Variants in SPRR2B observed in about 807,000 individuals in gnomAD.
SPRR2B encodes small proline-rich protein 2B.
SPRR2B carries 1 observed loss-of-function variant against 1.0 expected under a neutral mutation model. The ratio of observed to expected loss-of-function variants is 1.01; its 90% CI spans 0.36 to 4.77. The LOEUF (loss-of-function observed/expected upper bound fraction) is 4.77. Ranked by LOEUF, SPRR2B falls within the 30% of genes most tolerant of loss-of-function variation. The pLI is 0.16. For synonymous variants in SPRR2B, 27 were observed against 33.4 expected (o/e 0.81, Z 0.66); for missense variants, 53 against 88.7 (o/e 0.60, Z 1.62).
At chr1:153,076,692 A>G in the SPRR2B span, among the ~76,000 whole-genome samples, 1 of 152,230 alleles carries the variant, frequency 6.6e-6, no homozygotes. Context: ...GCTACAGCAC[A>G]TTCAAAAATT....
upstream of SPRR2B, among the ~76,000 whole-genome samples, chr1:153,073,036 C>T (rs1422649558): frequency 1.3e-5 from 2 of 152,178 alleles, no homozygotes; most frequent in Admixed American, 1.3e-4. Flanking sequence ...TTGGAGCACT[C>T]ACCAGCTACG....
upstream of SPRR2B, among the ~76,000 whole-genome samples, chr1:153,072,445 G>C (rs1654686656): frequency 6.6e-6 from 1 of 152,104 alleles, no homozygotes; most frequent in Non-Finnish European, 1.5e-5. Flanking sequence ...TCTATGTATT[G>C]AACCATGCCT....
At chr1:153,075,567 C>T (rs1287562316), upstream of SPRR2B, among the ~76,000 whole-genome samples, 1 of 151,904 alleles carries the variant, frequency 6.6e-6, no homozygotes, top group African/African-American at 2.4e-5. Context: ...ATAATAGTAC[C>T]TACTACTAAA....
the SPRR2B span, among the ~76,000 whole-genome samples, chr1:153,083,491 A>G: frequency 1.3e-5 from 2 of 152,168 alleles, no homozygotes; most frequent in Non-Finnish European, 2.9e-5. Context: ...GGATGCAGCC[A>G]GGTGGAACAG....
At chr1:153,072,294 G>A (rs1426405018), upstream of SPRR2B, among the ~76,000 whole-genome samples, 30 of 152,208 alleles carry the variant, frequency 2.0e-4, no homozygotes. Flanking sequence ...ACACCAGAGT[G>A]AGATCCAGTC....
the SPRR2B span, among the ~76,000 whole-genome samples, chr1:153,086,742 C>A: frequency 6.6e-6 from 1 of 152,220 alleles, no homozygotes; most frequent in Non-Finnish European, 1.5e-5. Flanking sequence ...TGCTAATAAT[C>A]TACAACTGTT....
At chr1:153,076,421 C>T (rs1429735362), upstream of SPRR2B, among the ~76,000 whole-genome samples, 2 of 152,110 alleles carry the variant, frequency 1.3e-5, no homozygotes, top group African/African-American at 2.4e-5. Flanking sequence ...GATACTTCTA[C>T]TTGTAAGAAT....
At chr1:153,082,849 G>C in the SPRR2B span, among the ~76,000 whole-genome samples, 1 of 152,004 alleles carries the variant, frequency 6.6e-6, no homozygotes, top group East Asian at 1.9e-4. Context: ...GAAAACATGA[G>C]CCTAGCATAG....
At chr1:153,082,125 A>C in the SPRR2B span, among the ~76,000 whole-genome samples, 30 of 152,304 alleles carry the variant, frequency 2.0e-4, no homozygotes, top group Admixed American at 5.9e-4. Flanking sequence ...AGGATACTAT[A>C]CATAATCCCC....
upstream of SPRR2B, among the ~76,000 whole-genome samples, chr1:153,075,924 G>A (rs1284818784): frequency 6.6e-6 from 1 of 152,090 alleles, no homozygotes; most frequent in Non-Finnish European, 1.5e-5. Flanking sequence ...TAATGTTTCT[G>A]TGTTATTTGG....
At chr1:153,077,649 C>A in the SPRR2B span, among the ~76,000 whole-genome samples, 1 of 150,572 alleles carries the variant, frequency 6.6e-6, no homozygotes. Flanking sequence ...CACAGTCTCA[C>A]TGCATCACCC....
At chr1:153,073,679 T>G (rs932073849), upstream of SPRR2B, among the ~76,000 whole-genome samples, 2 of 147,200 alleles carry the variant, frequency 1.4e-5, no homozygotes, top group African/African-American at 5.2e-5. Flanking sequence ...CCCTGAGACA[T>G]AGAGCGAGGC....
At chr1:153,084,539 C>T in the SPRR2B span, among the ~76,000 whole-genome samples, 2 of 152,104 alleles carry the variant, frequency 1.3e-5, no homozygotes, top group Non-Finnish European at 2.9e-5. Flanking sequence ...CACATACCAA[C>T]AACACTACAA....
At chr1:153,071,274 C>T (rs1654660041) in intron 1 of SPRR2B, among the ~76,000 whole-genome samples, 1 of 151,172 alleles carries the variant, frequency 6.6e-6, no homozygotes, top group Non-Finnish European at 1.5e-5. Context: ...CTCACACCTG[C>T]TAAGACACAA....
At chr1:153,081,053 TTTATATGATTTC>T in the SPRR2B span, among the ~76,000 whole-genome samples, 1 of 152,222 alleles carries the variant, frequency 6.6e-6, no homozygotes, top group Non-Finnish European at 1.5e-5. Flanking sequence ...TGTAGGCCTA[TTTATATGATTTC>T]TGTAAAAGGC....
At chr1:153,087,292 A>C in the SPRR2B span, among the ~76,000 whole-genome samples, 3 of 152,124 alleles carry the variant, frequency 2.0e-5, no homozygotes, top group Non-Finnish European at 4.4e-5. Context: ...AAAGAAAAAA[A>C]AAATCTGGAA....
the SPRR2B span, among the ~76,000 whole-genome samples, chr1:153,084,346 G>A: frequency 6.6e-6 from 1 of 152,078 alleles, no homozygotes; most frequent in Non-Finnish European, 1.5e-5. Context: ...CCCTGGTGAT[G>A]GCCATTGCAG....
chr1:153,078,091 T>G, the SPRR2B span, among the ~76,000 whole-genome samples: 3 of 152,232 alleles, frequency 2.0e-5, no homozygotes, highest in Non-Finnish European at 4.4e-5. Flanking sequence ...TTACTTTAAA[T>G]GTAAATGAAT....
the SPRR2B span, among the ~76,000 whole-genome samples, chr1:153,083,594 G>A: frequency 0.016 from 2,504 of 152,238 alleles, 69 homozygotes; most frequent in African/African-American, 0.058. Context: ...CCAGAAGTTA[G>A]GCTGAAAAGA....
Sources: gnomAD v4.1 joint callset for allele counts (sites outside exome capture counted in the v4.1 genomes callset) on GRCh38, gnomAD v4.1.1 for gene constraint, MANE v1.5 for transcripts, NCBI Gene and HGNC (gene_info 2026-07-23, HGNC 2026-07-21) for gene names.